SORCS1: variants seen among roughly 807,000 people sequenced by gnomAD.
The protein encoded by SORCS1 is VPS10 domain-containing receptor SorCS1.
In SORCS1, 60 loss-of-function variants were observed where a neutral mutation model predicts 146.1. That is an observed-to-expected ratio of 0.41 (90% confidence interval 0.33 to 0.51). The LOEUF (loss-of-function observed/expected upper bound fraction) is 0.51. SORCS1 is among the 20% of genes least tolerant of loss of function. The probability of loss-of-function intolerance (pLI) is 0.21; values close to 1 mark genes in which losing one functional copy is unlikely to be tolerated. For synonymous variants in SORCS1, 637 were observed against 584.0 expected (o/e 1.09, Z -1.31); for missense variants, 1,352 against 1,487.6 (o/e 0.91, Z 1.50).
chr10:106,989,100 A>C (rs1314103139), intron 1 of SORCS1, among the ~76,000 whole-genome samples: 1 of 146,822 alleles, frequency 6.8e-6, no homozygotes, highest in Non-Finnish European at 1.5e-5. Context: ...CTCTACTAAA[A>C]ATACAAAAAA....
rs531598996 is a variant in SORCS1, at chr10:106,923,214, G to A, written c.626+33299C>T. Among the ~76,000 whole-genome samples, 7 of 152,292 alleles carry A rather than the reference G, an allele frequency of 4.6e-5. No individual in the cohort carries two copies. The East Asian group carries it at 7.7e-4, about 17-fold the overall frequency. The stretch of plus-strand genomic sequence containing the variant: ...AACCATGGACTTTCTTACCGTCTCC[G>A]TAGTTTTATCTTTTCCAGAATGTCA... On this transcript the variant is annotated intron_variant, in intron 2 of 25. Transcript: ENST00000263054.
chr10:106,834,746 T>C (rs184469542), intron 2 of SORCS1, among the ~76,000 whole-genome samples: 149 of 152,340 alleles, frequency 9.8e-4, no homozygotes, highest in Non-Finnish European at 1.7e-3. Context: ...AGATGCGACA[T>C]ATGCAGCCTT....
At chr10:107,072,992 C>G (rs1474432603) in intron 1 of SORCS1, among the ~76,000 whole-genome samples, 1 of 152,178 alleles carries the variant, frequency 6.6e-6, no homozygotes, top group African/African-American at 2.4e-5. Context: ...CTAGAGTTCA[C>G]TGGGCTAGGA....
intron 8 of SORCS1, among the ~76,000 whole-genome samples, chr10:106,701,823 G>A (rs763006081): frequency 6.6e-6 from 1 of 152,196 alleles, no homozygotes; most frequent in Non-Finnish European, 1.5e-5. Context: ...TAGAGACAAG[G>A]ATAATAGGTC....
At chr10:106,653,855 ATAT>A (rs1282776610) in intron 17 of SORCS1, among the ~76,000 whole-genome samples, 1 of 152,148 alleles carries the variant, frequency 6.6e-6, no homozygotes, top group African/African-American at 2.4e-5. Context: ...TTTCTATTTA[ATAT>A]TATTACTATT....
intron 2 of SORCS1, among the ~76,000 whole-genome samples, chr10:106,928,061 G>A (rs1056311738): frequency 5.9e-5 from 9 of 152,232 alleles, no homozygotes; most frequent in East Asian, 1.9e-4. Flanking sequence ...ATCCCGCACC[G>A]GCGCTGCATG....
At chr10:107,163,133 G>T (rs772374950) in intron 1 of SORCS1, among the ~76,000 whole-genome samples, 1 of 152,212 alleles carries the variant, frequency 6.6e-6, no homozygotes, top group South Asian at 2.1e-4. Flanking sequence ...TGCATCCTAA[G>T]TCCCCTGGAA....
chr10:106,822,009 G>T (rs894940122), intron 3 of SORCS1, among the ~76,000 whole-genome samples: 1 of 152,050 alleles, frequency 6.6e-6, no homozygotes, highest in Non-Finnish European at 1.5e-5. Flanking sequence ...TAGCAGATAT[G>T]GGGGACAAGA....
At chr10:106,736,947 C>A (rs1856990110) in intron 5 of SORCS1, among the ~76,000 whole-genome samples, 1 of 152,138 alleles carries the variant, frequency 6.6e-6, no homozygotes, top group Non-Finnish European at 1.5e-5. Context: ...GCATTGCCAG[C>A]AACCTGAGGC....
chr10:107,139,982 A>G (rs1967672560), intron 1 of SORCS1, among the ~76,000 whole-genome samples: 1 of 152,206 alleles, frequency 6.6e-6, no homozygotes, highest in Admixed American at 6.5e-5. Context: ...AAAGTGGAGA[A>G]AACTCAAACC....
intron 2 of SORCS1, among the ~76,000 whole-genome samples, chr10:106,916,813 G>A (rs570165765): frequency 3.3e-5 from 5 of 152,044 alleles, no homozygotes; most frequent in Non-Finnish European, 5.9e-5. Context: ...GCAGTGGCAC[G>A]ATCTCAGCTC....
chr10:107,102,764 T>C lies in SORCS1; in HGVS notation c.558+61205A>G, dbSNP rs1022944914. Among the ~76,000 whole-genome samples, 8 of 152,240 alleles carry C rather than the reference T, an allele frequency of 5.3e-5. No individual in the cohort carries two copies. The East Asian group carries it at 1.2e-3, about 22-fold the overall frequency. ...AATAGGCTAAAAATGCACACACAAT[T>C]AGAGGGGCAAGTATTTTAAAGAGTA... On this transcript the variant is annotated intron_variant, in intron 1 of 25. Transcript: ENST00000263054.
At chr10:107,143,166 A>G (rs890369373) in intron 1 of SORCS1, among the ~76,000 whole-genome samples, 1 of 152,192 alleles carries the variant, frequency 6.6e-6, no homozygotes, top group South Asian at 2.1e-4. Context: ...AATGAGTTCA[A>G]TGGATGAATT....
intron 1 of SORCS1, among the ~76,000 whole-genome samples, chr10:107,026,061 G>T (rs772892597): frequency 6.6e-6 from 1 of 152,104 alleles, no homozygotes; most frequent in Non-Finnish European, 1.5e-5. Flanking sequence ...GCAGGATTGA[G>T]ATCCCCCCAC....
At chr10:106,729,871 C>A (rs1046975564) in intron 6 of SORCS1, among the ~76,000 whole-genome samples, 179 bp downstream of exon 6, 1 of 152,124 alleles carries the variant, frequency 6.6e-6, no homozygotes, top group East Asian at 1.9e-4. Flanking sequence ...CAGAAGATAC[C>A]TGCACTTTAC....
chr10:106,949,958 G>A (rs1417852974), intron 2 of SORCS1, among the ~76,000 whole-genome samples: 3 of 152,168 alleles, frequency 2.0e-5, no homozygotes, highest in African/African-American at 7.2e-5. Context: ...GGAAAAAAAA[G>A]ATGAATATAT....
intron 3 of SORCS1, among the ~76,000 whole-genome samples, chr10:106,801,795 G>T (rs1946911598): frequency 2.0e-5 from 3 of 152,168 alleles, no homozygotes; most frequent in Non-Finnish European, 4.4e-5. Context: ...CTCCCAAAGT[G>T]CTGGGATTAC....
At chr10:106,797,932 CA>C (rs1286954016) in intron 3 of SORCS1, among the ~76,000 whole-genome samples, 2 of 152,132 alleles carry the variant, frequency 1.3e-5, no homozygotes, top group African/African-American at 4.8e-5. Context: ...AGCAATCTGA[CA>C]CAGAAAGTTT....
chr10:107,059,782 A>C (rs17280598), intron 1 of SORCS1, among the ~76,000 whole-genome samples: 1,581 of 152,212 alleles, frequency 0.01, 15 homozygotes, highest in South Asian at 0.028. Flanking sequence ...TCCGTCTGGC[A>C]CATCCTTCTA....
Sources: gnomAD v4.1 joint callset for allele counts (sites outside exome capture counted in the v4.1 genomes callset) on GRCh38, gnomAD v4.1.1 for gene constraint, MANE v1.5 for transcripts, NCBI Gene and HGNC (gene_info 2026-07-23, HGNC 2026-07-21) for gene names.